Variants in ARFIP1 observed in about 807,000 individuals in gnomAD.
The protein encoded by ARFIP1 is ARF interacting protein 1, also known as arfaptin-1.
In ARFIP1, 24 loss-of-function variants were observed where a neutral mutation model predicts 42.5. The ratio of observed to expected loss-of-function variants is 0.57; its 90% CI spans 0.41 to 0.80. The LOEUF (loss-of-function observed/expected upper bound fraction) is 0.80, where lower values mean the gene tolerates loss of function less well. Among genes scored for constraint, ARFIP1 ranks in the 30% least tolerant of loss-of-function variants. ARFIP1 has a pLI of 0.00. For synonymous variants in ARFIP1, 141 were observed against 153.7 expected (o/e 0.92, Z 0.61); for missense variants, 354 against 434.0 (o/e 0.82, Z 1.64).
chr4:152,841,966 C>T (rs1732121321), intron 2 of ARFIP1, among the ~76,000 whole-genome samples: 1 of 152,178 alleles, frequency 6.6e-6, no homozygotes, highest in African/African-American at 2.4e-5. Context: ...GTCAGCCAAC[C>T]TCCCCAGCAG....
intron 2 of ARFIP1, among the ~76,000 whole-genome samples, chr4:152,854,001 C>T (rs1042944334): frequency 4.0e-5 from 6 of 150,756 alleles, no homozygotes; most frequent in Admixed American, 4.0e-4. Flanking sequence ...AAACCTCCAC[C>T]TCCCGAGTTC....
At chr4:152,902,477 G>A (rs1737923275) in intron 8 of ARFIP1, among the ~76,000 whole-genome samples, 1 of 152,168 alleles carries the variant, frequency 6.6e-6, no homozygotes, top group African/African-American at 2.4e-5. Flanking sequence ...ACTCTAGCTT[G>A]GGCAACAGAG....
chr4:152,814,098 T>G (rs1369850487), intron 1 of ARFIP1, among the ~76,000 whole-genome samples: 35 of 496 alleles, frequency 0.071, no homozygotes, highest in Non-Finnish European at 0.2. Flanking sequence ...CTTCTTCTTC[T>G]TTTTTTTTTT....
intron 1 of ARFIP1, among the ~76,000 whole-genome samples, chr4:152,808,144 C>CTAT (rs1181136457): frequency 6.6e-6 from 1 of 151,918 alleles, no homozygotes; most frequent in Non-Finnish European, 1.5e-5. Context: ...CCACGCCTGG[C>CTAT]TATTTTTGTA....
intron 8 of ARFIP1, among the ~76,000 whole-genome samples, chr4:152,907,250 G>T (rs969746732): frequency 1.3e-5 from 2 of 152,118 alleles, no homozygotes; most frequent in African/African-American, 4.8e-5. Context: ...ATTTTAGGTG[G>T]TTTTTTCCCT....
At chr4:152,879,713 G>T (rs1244736511) in intron 5 of ARFIP1, among the ~76,000 whole-genome samples, 1 of 152,110 alleles carries the variant, frequency 6.6e-6, no homozygotes, top group Non-Finnish European at 1.5e-5. Flanking sequence ...GCCACGTGTG[G>T]TGTCGCATGC....
At chr4:152,854,248 T>A (rs1392934183) in intron 2 of ARFIP1, among the ~76,000 whole-genome samples, 2 of 152,220 alleles carry the variant, frequency 1.3e-5, no homozygotes, top group Non-Finnish European at 2.9e-5. Context: ...TGAGCTAGTC[T>A]ATTATTGAAG....
intron 2 of ARFIP1, among the ~76,000 whole-genome samples, chr4:152,846,581 T>C (rs796314466): frequency 9.9e-5 from 15 of 152,180 alleles, no homozygotes; most frequent in African/African-American, 3.6e-4. Flanking sequence ...CCCATTTATT[T>C]TTCTGAGGAA....
intron 1 of ARFIP1, among the ~76,000 whole-genome samples, chr4:152,798,217 C>T (rs542469140): frequency 4.6e-5 from 7 of 151,404 alleles, no homozygotes; most frequent in South Asian, 2.1e-4. Flanking sequence ...GAGCCAAGAT[C>T]GCGCCACTGC....
intron 2 of ARFIP1, among the ~76,000 whole-genome samples, chr4:152,853,738 G>C (rs1733183256): frequency 6.6e-6 from 1 of 151,962 alleles, no homozygotes; most frequent in South Asian, 2.1e-4. Context: ...ATATTAAATA[G>C]GTTTTCTAAC....
intron 5 of ARFIP1, among the ~76,000 whole-genome samples, chr4:152,873,947 CTG>C (rs1466888857): frequency 6.6e-6 from 1 of 152,164 alleles, no homozygotes; most frequent in African/African-American, 2.4e-5. Flanking sequence ...CCTAAACAAT[CTG>C]TGCTTTCTCA....
chr4:152,804,962 T>C (rs565089812), intron 1 of ARFIP1, among the ~76,000 whole-genome samples: 1 of 152,318 alleles, frequency 6.6e-6, no homozygotes, highest in African/African-American at 2.4e-5. Flanking sequence ...GGGAAAATCA[T>C]ATTTACTTCA....
At chr4:152,856,312 A>G (rs1212365692) in intron 2 of ARFIP1, among the ~76,000 whole-genome samples, 2 of 152,150 alleles carry the variant, frequency 1.3e-5, no homozygotes, top group Non-Finnish European at 2.9e-5. Flanking sequence ...GGATACATCT[A>G]ACATAACCAT....
intron 1 of ARFIP1, among the ~76,000 whole-genome samples, chr4:152,786,190 A>G (rs889139075): frequency 6.6e-6 from 1 of 152,214 alleles, no homozygotes; most frequent in African/African-American, 2.4e-5. Flanking sequence ...TAGGATAAAG[A>G]TGTCAGCTTC....
chr4:152,839,826 G>A lies in ARFIP1; in HGVS notation c.93+10100G>A, dbSNP rs535310594. 2.0e-5 allele frequency among the ~76,000 whole-genome samples: 3 copies of A among 152,090 alleles called. No homozygotes were observed. In the South Asian group the frequency reaches 6.2e-4, roughly 32 times the overall value. On this transcript the variant is annotated intron_variant, in intron 2 of 8. Coordinates refer to ENST00000353617, the MANE Select transcript of ARFIP1 (RefSeq NM_001025595.3). ...CTTGGTAATTTCCTTTCTTCTGCTG[G>A]GTTTGGGTTTGGTTTGTTCTTGTTT...
chr4:152,889,534 T>C (rs1336174746), intron 8 of ARFIP1, among the ~76,000 whole-genome samples: 1,777 of 45,844 alleles, frequency 0.039, 109 homozygotes, highest in African/African-American at 0.098. Flanking sequence ...TATATATATA[T>C]ACACCTATTT....
intron 1 of ARFIP1, among the ~76,000 whole-genome samples, chr4:152,828,273 C>G (rs576750256): frequency 6.6e-6 from 1 of 152,276 alleles, no homozygotes; most frequent in Admixed American, 6.5e-5. Context: ...TTTAATTTTG[C>G]GAGAAACTAC....
At chr4:152,847,124 C>CTTTTTTTTTTTTTTCT (rs1732605835) in intron 2 of ARFIP1, among the ~76,000 whole-genome samples, 1 of 40,584 alleles carries the variant, frequency 2.5e-5, no homozygotes, top group Non-Finnish European at 4.5e-5. Flanking sequence ...TAGGTTTGTT[C>CTTTTTTTTTTTTTTCT]TTTTTTTTTT....
intron 2 of ARFIP1, among the ~76,000 whole-genome samples, chr4:152,861,748 GCTT>G (rs2149875102): frequency 6.6e-6 from 1 of 152,042 alleles, no homozygotes; most frequent in Admixed American, 6.5e-5. Flanking sequence ...TTCTGAAAGG[GCTT>G]CTTATTTCAG....
Sources: gnomAD v4.1 joint callset for allele counts (sites outside exome capture counted in the v4.1 genomes callset) on GRCh38, gnomAD v4.1.1 for gene constraint, MANE v1.5 for transcripts, NCBI Gene and HGNC (gene_info 2026-07-23, HGNC 2026-07-21) for gene names.